The following AGO4 variants were observed in gnomAD, a reference collection of about 807,000 sequenced individuals.
The protein encoded by AGO4 is argonaute RISC component 4.
AGO4 carries 33 observed loss-of-function variants against 104.7 expected under a neutral mutation model. The observed-to-expected ratio is 0.32, with a 90% CI of 0.24 to 0.42. The LOEUF is 0.42. AGO4 is among the 10% of genes least tolerant of loss of function. The pLI, the probability that AGO4 is intolerant of heterozygous loss-of-function variation, is 1.00. For synonymous variants in AGO4, 331 were observed against 364.7 expected (o/e 0.91, Z 1.05); for missense variants, 711 against 1,083.4 (o/e 0.66, Z 4.83).
Position 35,831,500 on chromosome 1 carries a change from C to G in AGO4, c.922C>G (p.Leu308Val). Residue 308 changes from leucine (L) to valine (V), a missense_variant, in exon 8 of 18, where the codon CTG becomes GTG. By Grantham distance (32) the Leu-to-Val change is conservative. Coordinates refer to ENST00000373210, the MANE Select transcript of AGO4 (RefSeq NM_017629.4). The stretch of plus-strand genomic sequence containing the variant: ...TCAATATTTTAAGCAAAAGTATAGT[C>G]TGCAACTGAAATACCCCCATCTTCC... ...VAQYFKQKYSLQLKYPHLPCL... is the reference protein window; with the variant it reads ...VAQYFKQKYSVQLKYPHLPCL... The G allele has an allele frequency of 2.5e-6, 4 of 1,614,122 alleles. No individual in the cohort carries two copies. Among genetic ancestry groups the G allele is most frequent in the Non-Finnish European group, 3.4e-6 (4 of 1,180,004 alleles).
intron 1 of AGO4, among the ~76,000 whole-genome samples, chr1:35,815,698 A>T (rs531060783): frequency 1.3e-5 from 2 of 152,268 alleles, no homozygotes; most frequent in East Asian, 3.9e-4. Context: ...AGCACTATTG[A>T]TATTTTGGAC....
In AGO4 at chr1:35,831,423, A is replaced by ATAGT; in HGVS notation, c.849-2_850dup. 1 of 1,599,614 alleles carries ATAGT rather than the reference A, an allele frequency of 6.3e-7. No individual in the cohort carries two copies. Among genetic ancestry groups the ATAGT allele is most frequent in the Non-Finnish European group, 8.5e-7 (1 of 1,176,338 alleles). ...TATTCTAAAAAAGACATTCTCTCCTATAGTTTTCCTTTGCAGCTAGAAAAC... is the reference window on the plus strand; with the variant it reads ...TATTCTAAAAAAGACATTCTCTCCTATAGTTAGTTTTCCTTTGCAGCTAGAAAAC... On this transcript the variant is annotated splice_region_variant and splice_polypyrimidine_tract_variant and intron_variant, in intron 7 of 17. Coordinates refer to ENST00000373210, the MANE Select transcript of AGO4 (RefSeq NM_017629.4).
At chr1:35,847,332 C>G (rs1324722540) in intron 15 of AGO4, among the ~76,000 whole-genome samples, 5 of 151,750 alleles carry the variant, frequency 3.3e-5, no homozygotes, top group Admixed American at 6.6e-5. Context: ...CTCCTGGGTT[C>G]AAGTGATTCT....
chr1:35,819,968 A>G (rs1643856352), intron 2 of AGO4, among the ~76,000 whole-genome samples: 1 of 152,164 alleles, frequency 6.6e-6, no homozygotes, highest in African/African-American at 2.4e-5. Context: ...AGGCTCCTAC[A>G]CTGGGTCTTG....
intron 15 of AGO4, among the ~76,000 whole-genome samples, chr1:35,843,598 A>T (rs923322953): frequency 6.6e-6 from 1 of 152,172 alleles, no homozygotes; most frequent in Non-Finnish European, 1.5e-5. Flanking sequence ...ATATATAAAA[A>T]TTTAAATAAA....
upstream of AGO4, among the ~76,000 whole-genome samples, chr1:35,807,648 G>A (rs757153562): frequency 3.3e-5 from 5 of 152,174 alleles, no homozygotes; most frequent in African/African-American, 1.2e-4. Flanking sequence ...GGTGCCTTCC[G>A]GCTATACGGA....
chr1:35,816,821 A>T, intron 1 of AGO4, 61 bp from the exon 2 acceptor site: 1 of 1,428,374 alleles, frequency 7.0e-7, no homozygotes, highest in Non-Finnish European at 9.3e-7. Flanking sequence ...AAAAAAAAAA[A>T]GAAAGAAAGA....
intron 6 of AGO4, 88 bp from the exon 7 acceptor site, chr1:35,826,660 T>C: frequency 8.6e-7 from 1 of 1,168,830 alleles, no homozygotes; most frequent in Non-Finnish European, 1.3e-6. Context: ...CTGTACAATG[T>C]CATGACATTT....
At chr1:35,815,528 T>A (rs1236791626) in intron 1 of AGO4, among the ~76,000 whole-genome samples, 1 of 152,238 alleles carries the variant, frequency 6.6e-6, no homozygotes, top group Non-Finnish European at 1.5e-5. Context: ...TAGGTTTATT[T>A]ATTACATGAC....
intron 13 of AGO4, among the ~76,000 whole-genome samples, chr1:35,840,875 A>G (rs957508782): frequency 6.6e-6 from 1 of 152,126 alleles, no homozygotes; most frequent in Non-Finnish European, 1.5e-5. Flanking sequence ...TTGGCCTTCT[A>G]AAGTGCTGAG....
At chr1:35,837,563 A>G (rs900882727) in intron 13 of AGO4, among the ~76,000 whole-genome samples, 1 of 151,966 alleles carries the variant, frequency 6.6e-6, no homozygotes, top group Non-Finnish European at 1.5e-5. Flanking sequence ...TATTTTTTAT[A>G]GAGACAGGGT....
At position 35,831,411 on chromosome 1, in the gene AGO4, A is replaced by T. The variant is rs1350603730; in HGVS notation, c.849-16A>T. 3 of 1,568,312 alleles carry T rather than the reference A, an allele frequency of 1.9e-6. No homozygotes were observed. The highest frequency in any genetic ancestry group is 2.8e-5 in the African/African-American group (2 of 72,204). On this transcript the variant is annotated splice_polypyrimidine_tract_variant and intron_variant, in intron 7 of 17. Transcript: ENST00000373210. Reference sequence around the variant, plus strand: ...AACTTGAAGAAATATTCTAAAAAAGACATTCTCTCCTATAGTTTTCCTTTG... The same window carrying T: ...AACTTGAAGAAATATTCTAAAAAAGTCATTCTCTCCTATAGTTTTCCTTTG...
In AGO4 at chr1:35,841,507, C is replaced by T. The variant is rs948609121; in HGVS notation, c.2040+27C>T. On this transcript the variant is annotated intron_variant, in intron 14 of 17. Coordinates refer to ENST00000373210, the MANE Select transcript of AGO4 (RefSeq NM_017629.4). This position sits in a 1 kb window ranked among gnomAD's most constrained non-coding sequence, Gnocchi z 4.7. ...TACTCTCATTATCCCTGTTGCCCTT[C>T]GGGGCCCCTAGGAGTCTGAGGGAGA... is the stretch of plus-strand genomic sequence containing the variant. 1.1e-4 allele frequency: 178 copies of T among 1,608,642 alleles called. 1 individual carries two copies. The highest frequency in any genetic ancestry group is 3.3e-4 in the Middle Eastern group (2 of 6,058).
chr1:35,834,286 A>G, intron 12 of AGO4, 112 bp downstream of exon 12: 2 of 981,248 alleles, frequency 2.0e-6, no homozygotes, highest in Non-Finnish European at 2.8e-6. Flanking sequence ...GTGGTTCACA[A>G]CAACAAAGAT....
chr1:35,837,102 A>AGATGG (rs1359426057), intron 13 of AGO4, among the ~76,000 whole-genome samples: 1 of 152,066 alleles, frequency 6.6e-6, no homozygotes, highest in East Asian at 1.9e-4. Context: ...TTTTGTTTTG[A>AGATGG]GATGGAGTCT....
At chr1:35,847,118 G>A (rs539736597) in intron 15 of AGO4, among the ~76,000 whole-genome samples, 44 of 151,588 alleles carry the variant, frequency 2.9e-4, no homozygotes, top group African/African-American at 1.1e-3. Context: ...GGACCACATT[G>A]GAAGAAGAAT....
At chr1:35,842,106 A>G (rs1164970892) in intron 15 of AGO4, among the ~76,000 whole-genome samples, 1 of 152,140 alleles carries the variant, frequency 6.6e-6, no homozygotes, top group Non-Finnish European at 1.5e-5. Context: ...GTTCTAGGGT[A>G]TAAAGAAGAA....
chr1:35,834,481 C>G (rs1303906364), intron 12 of AGO4, among the ~76,000 whole-genome samples: 1 of 152,156 alleles, frequency 6.6e-6, no homozygotes, highest in African/African-American at 2.4e-5. Context: ...CCTTACCCAA[C>G]TTGCGTGGGA....
chr1:35,822,517 G>A (rs1643909018), intron 2 of AGO4, among the ~76,000 whole-genome samples: 1 of 152,050 alleles, frequency 6.6e-6, no homozygotes, highest in Non-Finnish European at 1.5e-5. Flanking sequence ...GCCTCCCAAA[G>A]TGCTGGGATT....
Sources: gnomAD v4.1 joint callset for allele counts (sites outside exome capture counted in the v4.1 genomes callset) on GRCh38, gnomAD v4.1.1 for gene constraint, Gnocchi (gnomAD v3.1) non-coding constraint, MANE v1.5 for transcripts, NCBI Gene and HGNC (gene_info 2026-07-23, HGNC 2026-07-21) for gene names.